The following SOX6 variants were observed in gnomAD, a reference collection of about 807,000 sequenced individuals.
SOX6 encodes SRY-box transcription factor 6.
In SOX6, 11 loss-of-function variants were observed where a neutral mutation model predicts 97.8. The ratio of observed to expected loss-of-function variants is 0.11; its 90% CI spans 0.07 to 0.19. The LOEUF (loss-of-function observed/expected upper bound fraction) is 0.19. Among genes scored for constraint, SOX6 ranks in the 10% least tolerant of loss-of-function variants. SOX6 has a pLI of 1.00. For synonymous variants in SOX6, 360 were observed against 371.4 expected, an observed-to-expected ratio of 0.97 and a Z score of 0.35; for missense variants, 810 against 1,039.5, an observed-to-expected ratio of 0.78 and a Z score of 3.04.
At chr11:16,471,794 A>G (rs755666045) in intron 1 of SOX6, among the ~76,000 whole-genome samples, 47 of 152,270 alleles carry the variant, frequency 3.1e-4, no homozygotes, top group Non-Finnish European at 5.4e-4. Flanking sequence ...CAGTCAGGAG[A>G]CAGCCCTAGC....
chr11:16,159,676 G>T (rs971479758), intron 6 of SOX6, among the ~76,000 whole-genome samples: 2 of 151,962 alleles, frequency 1.3e-5, no homozygotes, highest in Non-Finnish European at 2.9e-5. Flanking sequence ...GGGAATTTTG[G>T]GTTAAATTTA....
At chr11:16,465,964 T>C (rs1860022596) in intron 1 of SOX6, 1 of 152,220 alleles carries the variant, frequency 6.6e-6, no homozygotes, top group Non-Finnish European at 1.5e-5. Context: ...GCCAAGCCTA[T>C]AGTGCTAAGC....
rs574195834 is a variant in SOX6 at position 16,662,652 on chromosome 11, C to CA, written n.430-50393dup. 2.1e-3 allele frequency among the ~76,000 whole-genome samples: 325 copies of CA among 151,300 alleles called. 1 individual carries two copies. Among genetic ancestry groups the CA allele is most frequent in the Middle Eastern group, 3.4e-3 (1 of 292 alleles). On this transcript the variant is annotated intron_variant and non_coding_transcript_variant, in intron 3 of 5. Transcript: ENST00000524520. Reference sequence around the variant, plus strand: ...GAAAAATATATAATTTTAATAAATGCAAAAAAAAGCATTGGACAAAATTCA... The same window carrying CA: ...GAAAAATATATAATTTTAATAAATGCAAAAAAAAAGCATTGGACAAAATTCA...
intron 1 of SOX6, among the ~76,000 whole-genome samples, chr11:16,374,669 A>G (rs1463288259): frequency 6.6e-6 from 1 of 152,092 alleles, no homozygotes; most frequent in African/African-American, 2.4e-5. Context: ...GTTTCTTTGT[A>G]ATGAAAAAAC....
At chr11:16,240,331 T>C (rs1853152251) in intron 3 of SOX6, among the ~76,000 whole-genome samples, 1 of 141,798 alleles carries the variant, frequency 7.1e-6, no homozygotes, top group African/African-American at 2.6e-5. Flanking sequence ...TGGAAGCTAT[T>C]GGAAATGTAA....
intron 3 of SOX6, among the ~76,000 whole-genome samples, chr11:16,626,448 T>C (rs1344403668): frequency 6.6e-6 from 1 of 152,234 alleles, no homozygotes; most frequent in African/African-American, 2.4e-5. Context: ...TTGATTACCA[T>C]AACATTACAC....
intron 4 of SOX6, among the ~76,000 whole-genome samples, chr11:16,520,891 GA>G (rs998333653): frequency 6.6e-6 from 1 of 152,232 alleles, no homozygotes; most frequent in Non-Finnish European, 1.5e-5. Context: ...ACAGCAGTGT[GA>G]GATCAAACTG....
chr11:16,619,613 A>G (rs1174878457), intron 3 of SOX6, among the ~76,000 whole-genome samples: 1 of 152,092 alleles, frequency 6.6e-6, no homozygotes, highest in Non-Finnish European at 1.5e-5. Context: ...ATATTAGTCT[A>G]AAAGGAAAAG....
At position 16,268,663 on chromosome 11, in the gene SOX6, G is replaced by A. The variant is rs570698094; in HGVS notation, c.446-33992C>T. Among the ~76,000 whole-genome samples, 22 of 151,094 alleles carry A rather than the reference G, an allele frequency of 1.5e-4. No individual in the cohort carries two copies. In the East Asian group the frequency reaches 3.5e-3, roughly 24 times the overall value. On this transcript the variant is annotated intron_variant, in intron 3 of 15. Coordinates refer to ENST00000683767, the MANE Select transcript of SOX6 (RefSeq NM_001367873.1). ...TTTCTTAATATCTGACAGTCGTATC[G>A]CTTCAATAATTGAAAATAGTATCTC...
chr11:16,297,603 C>T (rs1161530528), intron 3 of SOX6, among the ~76,000 whole-genome samples: 1 of 152,172 alleles, frequency 6.6e-6, no homozygotes, highest in Non-Finnish European at 1.5e-5. Flanking sequence ...GTCTTTTCAG[C>T]TGATGGGCTC....
intron 2 of SOX6, among the ~76,000 whole-genome samples, chr11:16,723,463 T>C (rs1023837538): frequency 6.6e-6 from 1 of 151,800 alleles, no homozygotes; most frequent in Admixed American, 6.6e-5. Context: ...CCTTCACATG[T>C]ACCCCCAAAC....
chr11:16,656,602 C>T (rs1847720222), intron 3 of SOX6, among the ~76,000 whole-genome samples: 1 of 152,122 alleles, frequency 6.6e-6, no homozygotes. Flanking sequence ...AAATTTTCCA[C>T]TAATTCATAC....
intron 3 of SOX6, among the ~76,000 whole-genome samples, chr11:16,688,571 G>A (rs999394416): frequency 6.6e-6 from 1 of 152,048 alleles, no homozygotes; most frequent in Non-Finnish European, 1.5e-5. Flanking sequence ...CCATCCAGTG[G>A]ACTTTTTGAA....
intron 4 of SOX6, among the ~76,000 whole-genome samples, chr11:16,229,472 T>G (rs1223403720): frequency 6.6e-6 from 1 of 151,662 alleles, no homozygotes; most frequent in African/African-American, 2.4e-5. Flanking sequence ...GCAGCAGAAT[T>G]GACAAATCCA....
chr11:15,972,694 G>C lies in SOX6; in HGVS notation c.*115C>G, dbSNP rs911705425. The C allele has an allele frequency of 7.1e-6, 8 of 1,129,146 alleles. No homozygotes were observed. The South Asian group carries it at 1.0e-4, about 14-fold the overall frequency. 69.9% of individuals were successfully genotyped at this position (1,129,146 alleles called of 1,614,324 possible). A position where few individuals can be genotyped will look rare whatever the true frequency, so the allele number is the denominator to read the frequency against. On this transcript the variant is annotated 3_prime_UTR_variant, in exon 16 of 16. Coordinates refer to ENST00000683767, the MANE Select transcript of SOX6 (RefSeq NM_001367873.1). Reference sequence around the variant, plus strand: ...GTCTCACACTTTACGAAACAATTAAGACCATTCTGCTGATGTAATTGTGGA... The same window carrying C: ...GTCTCACACTTTACGAAACAATTAACACCATTCTGCTGATGTAATTGTGGA...
intron 3 of SOX6, among the ~76,000 whole-genome samples, chr11:16,636,378 T>A (rs187465977): frequency 2.0e-5 from 3 of 152,312 alleles, no homozygotes; most frequent in Admixed American, 6.5e-5. Flanking sequence ...TTTGGTCAAT[T>A]TCTCCCATTA....
chr11:16,278,311 T>A (rs10832585), intron 3 of SOX6, among the ~76,000 whole-genome samples: 25,390 of 152,140 alleles, frequency 0.17, 2,600 homozygotes, highest in Admixed American at 0.29. Context: ...CCTGAGAGCA[T>A]TCAAGTTAAA....
At chr11:16,081,157 G>T (rs951288324) in intron 9 of SOX6, among the ~76,000 whole-genome samples, 1 of 152,068 alleles carries the variant, frequency 6.6e-6, no homozygotes, top group Non-Finnish European at 1.5e-5. Context: ...ATGAGGAAGC[G>T]TTTGGGCTAA....
intron 1 of SOX6, among the ~76,000 whole-genome samples, chr11:16,474,035 C>T (rs1860191485): frequency 6.6e-6 from 1 of 152,250 alleles, no homozygotes; most frequent in East Asian, 1.9e-4. Context: ...GGGTAGTTTC[C>T]AACTCAAGAA....
Sources: allele counts gnomAD v4.1 joint callset (sites outside exome capture counted in the v4.1 genomes callset), GRCh38; gene constraint gnomAD v4.1.1; transcripts MANE v1.5; gene names NCBI Gene and HGNC (gene_info 2026-07-23, HGNC 2026-07-21).